Variants in MAGI2 observed in about 807,000 individuals in gnomAD.
MAGI2 encodes the protein membrane associated guanylate kinase, WW and PDZ domain containing 2, also known as membrane-associated guanylate kinase, WW and PDZ domain-containing protein 2.
MAGI2 carries 35 observed loss-of-function variants against 133.3 expected under a neutral mutation model. The observed-to-expected ratio is 0.26, with a 90% confidence interval of 0.20 to 0.35. The LOEUF (loss-of-function observed/expected upper bound fraction) is 0.35, where lower values mean the gene tolerates loss of function less well. Among genes scored for constraint, MAGI2 ranks in the 10% least tolerant of loss-of-function variants. MAGI2 has a pLI of 1.00. For missense variants in MAGI2, 1,636 were observed against 1,863.4 expected (o/e 0.88, Z 2.25); for synonymous variants, 729 against 710.6 (o/e 1.03, Z -0.41).
chr7:78,851,121 G>A (rs185933683), intron 2 of MAGI2, among the ~76,000 whole-genome samples: 89 of 151,716 alleles, frequency 5.9e-4, no homozygotes, highest in East Asian at 1.2e-3. Flanking sequence ...TTATTTTTTC[G>A]TAGAGAAGAT....
chr7:78,743,133 C>T (rs1329337260), intron 2 of MAGI2, among the ~76,000 whole-genome samples: 1 of 152,144 alleles, frequency 6.6e-6, no homozygotes. Context: ...TGTTTTAAAT[C>T]ATTATGTTTT....
At chr7:79,239,235 A>C (rs190835527) in intron 1 of MAGI2, among the ~76,000 whole-genome samples, 20 of 152,290 alleles carry the variant, frequency 1.3e-4, no homozygotes, top group Admixed American at 3.3e-4. Context: ...TTTCCCATAC[A>C]GTATAAGCAG....
At chr7:79,104,573 A>G (rs533240506) in intron 1 of MAGI2, among the ~76,000 whole-genome samples, 1 of 152,108 alleles carries the variant, frequency 6.6e-6, no homozygotes, top group Non-Finnish European at 1.5e-5. Context: ...AGGCTGAGGC[A>G]GGAGAATCGC....
At chr7:78,568,540 C>T (rs1375449248) in intron 3 of MAGI2, among the ~76,000 whole-genome samples, 8 of 152,190 alleles carry the variant, frequency 5.3e-5, no homozygotes, top group Non-Finnish European at 1.0e-4. Flanking sequence ...CTTTTGCTTA[C>T]ACCTCTTATC....
At chr7:79,020,186 AT>A (rs1292122442) in intron 1 of MAGI2, among the ~76,000 whole-genome samples, 3 of 152,172 alleles carry the variant, frequency 2.0e-5, no homozygotes, top group Non-Finnish European at 4.4e-5. Flanking sequence ...GATTGGAGGC[AT>A]TTTGTTCCTA....
At chr7:79,157,355 T>C (rs1823878065) in intron 1 of MAGI2, among the ~76,000 whole-genome samples, 1 of 151,678 alleles carries the variant, frequency 6.6e-6, no homozygotes, top group African/African-American at 2.4e-5. Context: ...TAAAAAAAAG[T>C]CTTGTCTAGG....
chr7:78,678,042 A>C (rs2151088446), intron 2 of MAGI2, among the ~76,000 whole-genome samples: 1 of 152,278 alleles, frequency 6.6e-6, no homozygotes, highest in South Asian at 2.1e-4. Context: ...GTACTGGAGA[A>C]GTAGAACTGA....
At chr7:79,319,642 T>C (rs1383373567) in intron 1 of MAGI2, among the ~76,000 whole-genome samples, 1 of 152,142 alleles carries the variant, frequency 6.6e-6, no homozygotes, top group East Asian at 1.9e-4. Flanking sequence ...ATATGAGCCA[T>C]GATAACATAG....
chr7:79,104,756 G>A (rs2129543487), intron 1 of MAGI2, among the ~76,000 whole-genome samples: 1 of 152,236 alleles, frequency 6.6e-6, no homozygotes, highest in Middle Eastern at 3.4e-3. Context: ...CAGCCATGAG[G>A]TTATGAGAGA....
chr7:78,688,227 C>T (rs1161276569), intron 2 of MAGI2, among the ~76,000 whole-genome samples: 2 of 152,076 alleles, frequency 1.3e-5, no homozygotes, highest in East Asian at 1.9e-4. Flanking sequence ...ATAAAATGAG[C>T]TATCACCTAT....
intron 1 of MAGI2, among the ~76,000 whole-genome samples, chr7:79,183,165 T>A (rs926721500): frequency 2.0e-5 from 3 of 151,888 alleles, no homozygotes; most frequent in Admixed American, 2.0e-4. Context: ...TACAACCATA[T>A]ATTGTATATT....
At chr7:78,340,220 C>T (rs1313529013) in intron 9 of MAGI2, among the ~76,000 whole-genome samples, 1 of 152,016 alleles carries the variant, frequency 6.6e-6, no homozygotes, top group Non-Finnish European at 1.5e-5. Context: ...AGAGTATATT[C>T]CTTTAGAGAT....
intron 3 of MAGI2, among the ~76,000 whole-genome samples, chr7:78,560,988 T>C (rs1800342922): frequency 6.6e-6 from 1 of 152,096 alleles, no homozygotes; most frequent in Non-Finnish European, 1.5e-5. Flanking sequence ...AGGTGGTAAT[T>C]TGTAGTTGGT....
chr7:78,774,953 T>C (rs931495265), intron 2 of MAGI2, among the ~76,000 whole-genome samples: 5 of 152,096 alleles, frequency 3.3e-5, no homozygotes, highest in African/African-American at 1.2e-4. Flanking sequence ...TAAGTGACTA[T>C]CCATTTTACT....
chr7:78,207,328 C>G (rs1354037802), intron 10 of MAGI2, among the ~76,000 whole-genome samples: 3 of 152,020 alleles, frequency 2.0e-5, no homozygotes, highest in Admixed American at 2.0e-4. Context: ...TCTTTCAATA[C>G]AAGAAACTGT....
intron 1 of MAGI2, among the ~76,000 whole-genome samples, chr7:79,097,087 T>C (rs773546479): frequency 3.0e-4 from 45 of 152,182 alleles, no homozygotes; most frequent in Non-Finnish European, 5.3e-4. Context: ...ATTACACTTA[T>C]TATTATTAGC....
At chr7:78,938,852 G>A (rs1156481315) in intron 2 of MAGI2, among the ~76,000 whole-genome samples, 1 of 152,112 alleles carries the variant, frequency 6.6e-6, no homozygotes, top group Non-Finnish European at 1.5e-5. Context: ...TGTGTGGAAG[G>A]GGTGAGGATA....
At chr7:79,241,132 A>C (rs1037329279) in intron 1 of MAGI2, among the ~76,000 whole-genome samples, 6 of 152,122 alleles carry the variant, frequency 3.9e-5, no homozygotes, top group Non-Finnish European at 8.8e-5. Flanking sequence ...TCCTCTCTCT[A>C]CCATCCCAAA....
chr7:78,217,881 G>A (rs1788425445), intron 10 of MAGI2, among the ~76,000 whole-genome samples: 1 of 152,132 alleles, frequency 6.6e-6, no homozygotes, highest in Admixed American at 6.5e-5. Context: ...GTAGCCTGGG[G>A]GCTGTAGTGG....
Sources: gnomAD v4.1 joint callset for allele counts (sites outside exome capture counted in the v4.1 genomes callset) on GRCh38, gnomAD v4.1.1 for gene constraint, MANE v1.5 for transcripts, NCBI Gene and HGNC (gene_info 2026-07-23, HGNC 2026-07-21) for gene names.